Variants in SLC24A3 observed in about 807,000 individuals in gnomAD.
The protein encoded by SLC24A3 is solute carrier family 24 member 3, also known as sodium/potassium/calcium exchanger 3.
A neutral mutation model predicts 75.8 loss-of-function variants in SLC24A3; 28 were observed. The ratio of observed to expected loss-of-function variants is 0.37; its 90% confidence interval spans 0.27 to 0.51. The LOEUF is 0.51. Among genes scored for constraint, SLC24A3 ranks in the 20% least tolerant of loss-of-function variants. SLC24A3 has a pLI of 0.94. For missense variants in SLC24A3, 663 were observed against 847.8 expected, an observed-to-expected ratio of 0.78 and a Z score of 2.71; for synonymous variants, 372 against 334.1, an observed-to-expected ratio of 1.11 and a Z score of -1.24.
intron 8 of SLC24A3, among the ~76,000 whole-genome samples, chr20:19,670,106 AGAGCTGGCCC>A (rs1478098040): frequency 6.6e-6 from 1 of 152,026 alleles, no homozygotes; most frequent in East Asian, 1.9e-4. Flanking sequence ...GTACAAAACC[AGAGCTGGCCC>A]GACCTGGAGC....
chr20:19,391,584 TG>T (rs1242159657), intron 2 of SLC24A3, among the ~76,000 whole-genome samples: 1 of 152,168 alleles, frequency 6.6e-6, no homozygotes, highest in Non-Finnish European at 1.5e-5. Flanking sequence ...TCAGAACCTC[TG>T]GGGTGAGGCC....
At chr20:19,612,607 A>AGTGT (rs71198018) in intron 6 of SLC24A3, among the ~76,000 whole-genome samples, 8,298 of 146,860 alleles carry the variant, frequency 0.057, 360 homozygotes, top group African/African-American at 0.13. Context: ...CCTTAAGAAA[A>AGTGT]GTGTGTGTGT....
At chr20:19,644,299 C>T (rs777091530) in intron 6 of SLC24A3, among the ~76,000 whole-genome samples, 4 of 152,216 alleles carry the variant, frequency 2.6e-5, no homozygotes, top group Non-Finnish European at 2.9e-5. Context: ...TGACTCAGAC[C>T]CTGAATTCTC....
chr20:19,545,958 G>T (rs189105908), intron 3 of SLC24A3, among the ~76,000 whole-genome samples: 194 of 151,908 alleles, frequency 1.3e-3, no homozygotes, highest in African/African-American at 4.5e-3. Flanking sequence ...AGGAGATCGA[G>T]ACCATCTTGA....
At chr20:19,578,194 A>C (rs546623278) in intron 3 of SLC24A3, among the ~76,000 whole-genome samples, 1 of 152,320 alleles carries the variant, frequency 6.6e-6, no homozygotes, top group East Asian at 1.9e-4. Flanking sequence ...TTATTGGCTC[A>C]TGAAATTAGA....
At chr20:19,462,237 T>C (rs1361037583) in intron 2 of SLC24A3, among the ~76,000 whole-genome samples, 1 of 152,000 alleles carries the variant, frequency 6.6e-6, no homozygotes, top group Non-Finnish European at 1.5e-5. Flanking sequence ...GAGCTTCTGA[T>C]TCCGTGGGTG....
intron 2 of SLC24A3, among the ~76,000 whole-genome samples, chr20:19,424,760 A>AC (rs1568614270): frequency 6.9e-6 from 1 of 144,108 alleles, no homozygotes; most frequent in East Asian, 2.0e-4. Flanking sequence ...AAAAAAAAAA[A>AC]AAAAAAAAAA....
intron 9 of SLC24A3, among the ~76,000 whole-genome samples, chr20:19,678,052 G>C (rs1052753629): frequency 1.3e-4 from 19 of 151,442 alleles, no homozygotes; most frequent in African/African-American, 4.4e-4. Context: ...AGGATCCCAA[G>C]GCAGAAGAAT....
Position 19,523,364 on chromosome 20 carries a change from G to A in SLC24A3, c.348+7800G>A, listed in dbSNP as rs571754971. 2.6e-5 allele frequency among the ~76,000 whole-genome samples: 4 copies of A among 152,324 alleles called. No homozygotes were observed. The South Asian group carries it at 8.3e-4, about 32-fold the overall frequency. On this transcript the variant is annotated intron_variant, in intron 3 of 16. Coordinates refer to ENST00000328041, the MANE Select transcript of SLC24A3 (RefSeq NM_020689.4). ...ATGATTAGAATAGCTTGTGGAATTTGCTGTTTACTCTTGGAAAAGTGCTGA... is the reference window on the plus strand; with the variant it reads ...ATGATTAGAATAGCTTGTGGAATTTACTGTTTACTCTTGGAAAAGTGCTGA...
intron 4 of SLC24A3, among the ~76,000 whole-genome samples, chr20:19,583,433 C>T (rs2031248211): frequency 6.6e-6 from 1 of 152,108 alleles, no homozygotes; most frequent in Non-Finnish European, 1.5e-5. Flanking sequence ...TTATTCCAAG[C>T]TCTGGAGGGA....
chr20:19,343,081 AAAAGAAAAAAG>A (rs1985309522), intron 2 of SLC24A3, among the ~76,000 whole-genome samples: 3 of 147,982 alleles, frequency 2.0e-5, no homozygotes, highest in Admixed American at 6.6e-5. Flanking sequence ...AAAAAAAAAA[AAAAGAAAAAAG>A]AAAAAGAAAA....
At chr20:19,493,966 C>A (rs1316558714) in intron 2 of SLC24A3, among the ~76,000 whole-genome samples, 1 of 152,228 alleles carries the variant, frequency 6.6e-6, no homozygotes, top group Non-Finnish European at 1.5e-5. Flanking sequence ...TTGGCTCCAA[C>A]TTCCTTGGCC....
At chr20:19,467,506 G>C (rs975370002) in intron 2 of SLC24A3, among the ~76,000 whole-genome samples, 16 of 152,184 alleles carry the variant, frequency 1.1e-4, no homozygotes, top group African/African-American at 3.9e-4. Flanking sequence ...GTCAAGCCTG[G>C]AGATACTCAC....
intron 3 of SLC24A3, among the ~76,000 whole-genome samples, chr20:19,578,753 C>G (rs548122401): frequency 1.8e-4 from 28 of 152,246 alleles, no homozygotes; most frequent in African/African-American, 6.3e-4. Flanking sequence ...CTTTGAGAAG[C>G]AAGTAACAGA....
intron 2 of SLC24A3, chr20:19,354,989 A>G (rs1321103689): frequency 6.7e-6 from 1 of 149,966 alleles, no homozygotes; most frequent in Non-Finnish European, 1.5e-5. Context: ...ACTCCAACTC[A>G]CCTTCTTGGT....
intron 6 of SLC24A3, 106 bp downstream of exon 6, chr20:19,585,650 GC>G: frequency 9.0e-7 from 1 of 1,110,592 alleles, no homozygotes; most frequent in Non-Finnish European, 1.3e-6. Flanking sequence ...TTGCATTAGG[GC>G]CCAGTGGTTT....
intron 6 of SLC24A3, among the ~76,000 whole-genome samples, chr20:19,593,843 A>C (rs1438972984): frequency 1.3e-5 from 2 of 152,200 alleles, no homozygotes; most frequent in African/African-American, 4.8e-5. Flanking sequence ...ACTTGGGTGC[A>C]AAGGGACTGG....
At chr20:19,218,587 A>G (rs1265748280) in intron 1 of SLC24A3, among the ~76,000 whole-genome samples, 2 of 152,138 alleles carry the variant, frequency 1.3e-5, no homozygotes, top group Non-Finnish European at 2.9e-5. Flanking sequence ...TTTTGCATAA[A>G]CATATATAGA....
chr20:19,263,033 T>TTGTGTGTGTGTGTG (rs11473481), intron 1 of SLC24A3, among the ~76,000 whole-genome samples: 36 of 143,246 alleles, frequency 2.5e-4, no homozygotes, highest in Non-Finnish European at 4.1e-4. Context: ...ACTCCAGCCT[T>TTGTGTGTGTGTGTG]TGTGTGTGTG....
Sources: gnomAD v4.1 joint callset for allele counts (sites outside exome capture counted in the v4.1 genomes callset) on GRCh38, gnomAD v4.1.1 for gene constraint, MANE v1.5 for transcripts, NCBI Gene and HGNC (gene_info 2026-07-23, HGNC 2026-07-21) for gene names.